CDH8: variants seen among roughly 807,000 people sequenced by gnomAD.
CDH8 encodes the protein cadherin 8.
In CDH8, 17 loss-of-function variants were observed where a neutral mutation model predicts 68.1. That is an observed-to-expected ratio of 0.25 (90% CI 0.17 to 0.37). CDH8 has a LOEUF of 0.37. CDH8 is among the 10% of genes least tolerant of loss of function. The probability of loss-of-function intolerance (pLI) is 1.00; values close to 1 mark genes in which losing one functional copy is unlikely to be tolerated. For missense variants in CDH8, 763 were observed against 999.3 expected (o/e 0.76, Z 3.19); for synonymous variants, 372 against 365.1 (o/e 1.02, Z -0.21).
chr16:61,756,145 T>C (rs111449561), intron 8 of CDH8, among the ~76,000 whole-genome samples: 98 of 152,162 alleles, frequency 6.4e-4, no homozygotes, highest in Non-Finnish European at 1.1e-3. Context: ...GTAACCAAGT[T>C]GTTACTTCCA....
chr16:61,968,650 C>T (rs1965291970), intron 2 of CDH8, among the ~76,000 whole-genome samples: 1 of 152,194 alleles, frequency 6.6e-6, no homozygotes, highest in Non-Finnish European at 1.5e-5. Flanking sequence ...AATGAGGCAT[C>T]GTTTTTTAGA....
chr16:61,909,838 T>C (rs566492477), intron 2 of CDH8, among the ~76,000 whole-genome samples: 4 of 152,212 alleles, frequency 2.6e-5, no homozygotes, highest in East Asian at 3.9e-4. Flanking sequence ...ACTCAGCTAA[T>C]AGAAGTGCAA....
chr16:61,704,156 C>CT (rs1450044579), intron 10 of CDH8, among the ~76,000 whole-genome samples: 1 of 152,144 alleles, frequency 6.6e-6, no homozygotes, highest in African/African-American at 2.4e-5. Context: ...TATCCCTTAA[C>CT]TTTGACACGC....
At chr16:61,742,233 C>T (rs1480275526) in intron 8 of CDH8, among the ~76,000 whole-genome samples, 1 of 152,094 alleles carries the variant, frequency 6.6e-6, no homozygotes, top group Non-Finnish European at 1.5e-5. Context: ...ACTTGACTTA[C>T]TATTTATAAT....
chr16:61,690,007 G>A (rs1964186448), intron 10 of CDH8, among the ~76,000 whole-genome samples: 1 of 151,958 alleles, frequency 6.6e-6, no homozygotes, highest in South Asian at 2.1e-4. Context: ...CACTGTGATT[G>A]TCTACGTCTA....
intron 7 of CDH8, among the ~76,000 whole-genome samples, chr16:61,812,667 C>A (rs908220216): frequency 6.6e-6 from 1 of 152,104 alleles, no homozygotes; most frequent in African/African-American, 2.4e-5. Flanking sequence ...GGAATGTTTA[C>A]CTTAAATATA....
chr16:61,674,984 T>G (rs926380777), intron 10 of CDH8, among the ~76,000 whole-genome samples: 78 of 147,962 alleles, frequency 5.3e-4, no homozygotes, highest in Non-Finnish European at 8.8e-4. Flanking sequence ...CAATACCAAG[T>G]GGTCTGATAT....
intron 2 of CDH8, among the ~76,000 whole-genome samples, chr16:61,931,038 G>GACAGT (rs1414626048): frequency 6.6e-6 from 1 of 152,168 alleles, no homozygotes; most frequent in Non-Finnish European, 1.5e-5. Context: ...TCATGTCAAA[G>GACAGT]ACAGTACTTA....
intron 3 of CDH8, among the ~76,000 whole-genome samples, chr16:61,889,646 C>G (rs961994615): frequency 2.6e-5 from 4 of 152,146 alleles, no homozygotes; most frequent in African/African-American, 9.7e-5. Context: ...GAGGTTTACT[C>G]CCCAGCCCCT....
chr16:61,654,665 A>T lies in CDH8; in HGVS notation c.1907-564T>A, dbSNP rs184119679. On this transcript the variant is annotated intron_variant, in intron 11 of 11. Transcript: ENST00000577390. ...GGGAAGAGAAACCTGAATGTGAGAA[A>T]AGGGCAAGGAAAACATACCCAACTA... Among the ~76,000 whole-genome samples the T allele has an allele frequency of 2.0e-5, 3 of 152,312 alleles. No homozygotes were observed. The East Asian group carries it at 5.8e-4, about 29-fold the overall frequency.
intron 8 of CDH8, among the ~76,000 whole-genome samples, chr16:61,748,559 G>A (rs1177751473): frequency 2.0e-5 from 3 of 151,450 alleles, no homozygotes; most frequent in Non-Finnish European, 2.9e-5. Flanking sequence ...TGAAACTTAC[G>A]AATAAAAATA....
intron 2 of CDH8, among the ~76,000 whole-genome samples, chr16:61,931,445 T>C (rs1322920186): frequency 6.6e-6 from 1 of 152,146 alleles, no homozygotes; most frequent in Admixed American, 6.5e-5. Context: ...CAAAGCACTG[T>C]GATTACAGGC....
intron 7 of CDH8, among the ~76,000 whole-genome samples, 165 bp downstream of exon 7, chr16:61,817,312 CCA>C (rs3833039): frequency 0.11 from 16,897 of 147,744 alleles, 1,081 homozygotes; most frequent in Middle Eastern, 0.21. Flanking sequence ...CGTGTACACA[CCA>C]CACACACACA....
intron 10 of CDH8, among the ~76,000 whole-genome samples, chr16:61,670,781 C>A (rs1402575915): frequency 1.3e-5 from 2 of 151,488 alleles, no homozygotes; most frequent in African/African-American, 4.8e-5. Flanking sequence ...TTTCTTTTAT[C>A]TGATTACCTA....
intron 2 of CDH8, among the ~76,000 whole-genome samples, chr16:62,002,547 A>G (rs1272680027): frequency 6.6e-6 from 1 of 152,208 alleles, no homozygotes; most frequent in Non-Finnish European, 1.5e-5. Context: ...AGTACTCAAA[A>G]TGTTAGCCAT....
At chr16:61,752,137 A>G (rs1428672622) in intron 8 of CDH8, among the ~76,000 whole-genome samples, 2 of 152,184 alleles carry the variant, frequency 1.3e-5, no homozygotes, top group South Asian at 2.1e-4. Context: ...ATAAAAACAA[A>G]TAAATCAGAA....
intron 2 of CDH8, among the ~76,000 whole-genome samples, chr16:61,973,471 T>C (rs1965380257): frequency 6.6e-6 from 1 of 152,198 alleles, no homozygotes; most frequent in Non-Finnish European, 1.5e-5. Context: ...AAATTTTGCA[T>C]TGTGTGAGGG....
intron 3 of CDH8, among the ~76,000 whole-genome samples, chr16:61,873,005 C>T (rs1315980485): frequency 1.3e-5 from 2 of 152,128 alleles, no homozygotes; most frequent in Non-Finnish European, 2.9e-5. Context: ...CACTGAAAAA[C>T]ATTCAGAAGA....
At chr16:62,015,136 C>A (rs528647919) in intron 2 of CDH8, among the ~76,000 whole-genome samples, 58 of 152,180 alleles carry the variant, frequency 3.8e-4, no homozygotes, top group Non-Finnish European at 6.2e-4. Context: ...AAATTCCACA[C>A]CTGACTTCAT....
Sources: gnomAD v4.1 joint callset for allele counts (sites outside exome capture counted in the v4.1 genomes callset) on GRCh38, gnomAD v4.1.1 for gene constraint, MANE v1.5 for transcripts, NCBI Gene and HGNC (gene_info 2026-07-23, HGNC 2026-07-21) for gene names.